Variants in IRF2BP1 observed in about 807,000 individuals in gnomAD.
IRF2BP1 encodes the protein interferon regulatory factor 2 binding protein 1, also known as interferon regulatory factor 2-binding protein 1.
In IRF2BP1, 9 loss-of-function variants were observed where a neutral mutation model predicts 38.6. That is an observed-to-expected ratio of 0.23 (90% CI 0.14 to 0.41). The LOEUF (loss-of-function observed/expected upper bound fraction) is 0.41, where lower values mean the gene tolerates loss of function less well. Ranked by LOEUF, IRF2BP1 falls within the 10% of genes least tolerant of loss-of-function variation. The pLI is 1.00. For missense variants in IRF2BP1, 631 were observed against 829.6 expected (o/e 0.76, Z 2.94); for synonymous variants, 416 against 383.4 (o/e 1.08, Z -0.99).
In IRF2BP1 at chr19:45,883,653, G is replaced by GC. The variant is rs1240342088; in HGVS notation, c.*366dup. The GC allele has an allele frequency of 2.4e-5, 5 of 207,764 alleles. No individual in the cohort carries two copies. Among genetic ancestry groups the GC allele is most frequent in the Non-Finnish European group, 4.7e-5 (5 of 106,366 alleles). The allele number at this position is 207,764 out of a possible 1,614,324, so 12.9% of individuals were successfully genotyped here. On this transcript the variant is annotated 3_prime_UTR_variant, in exon 1 of 1. Coordinates refer to ENST00000302165, the MANE Select transcript of IRF2BP1 (RefSeq NM_015649.3). ...CGGTTTATTGAAGGAGCAGAAGGGA[G>GC]CGGGGGGTGGGGGGGTGGGAATTAA...
chr19:45,884,697 C>G lies in IRF2BP1; in HGVS notation c.1078G>C (p.Ala360Pro), dbSNP rs569672329. The change falls in exon 1 of 1, where the codon GCG becomes CCG. Residue 360 changes from alanine (A) to proline (P), a missense_variant. Physicochemically the swap from Ala to Pro is conservative, Grantham distance 27. This residue lies in a region of IRF2BP1 where 201 missense variants were observed against 215.3 expected (regional missense o/e 0.93). Coordinates refer to ENST00000302165, the MANE Select transcript of IRF2BP1 (RefSeq NM_015649.3). ...CGCGGGGGTGGGCCACAGAGAGCCG[C>G]AGGGGCCGGCTCTGGGTACTGCTGG... ...LPQQYPEPAP[A>P]ALCGPPPRAP... The G allele has an allele frequency of 5.7e-5, 91 of 1,607,202 alleles. No homozygotes were observed. The highest frequency in any genetic ancestry group is 3.2e-4 in the Admixed American group (19 of 59,750).
rs548946199 is a variant in IRF2BP1 at position 45,883,619 on chromosome 19, C to A, written c.*401G>T. ...AAGGGACCAAGAAGGAAAAAAAAAA[C>A]CCATCTTTCGGTTTATTGAAGGAGC... On this transcript the variant is annotated 3_prime_UTR_variant, in exon 1 of 1. Coordinates refer to ENST00000302165, the MANE Select transcript of IRF2BP1 (RefSeq NM_015649.3). 43 of 146,170 alleles carry A rather than the reference C, an allele frequency of 2.9e-4. No homozygotes were observed. Among genetic ancestry groups the A allele is most frequent in the African/African-American group, 1.2e-3 (39 of 33,096 alleles). The allele number at this position is 146,170 out of a possible 1,614,324, so 9.1% of individuals were successfully genotyped here. A position where few individuals can be genotyped will look rare whatever the true frequency, so the allele number is the denominator to read the frequency against.
chr19:45,885,177 T>G lies in IRF2BP1; in HGVS notation c.598A>C (p.Lys200Gln), dbSNP rs752680303. 1.2e-6 allele frequency: 2 copies of G among 1,609,824 alleles called. No homozygotes were observed. The highest frequency in any genetic ancestry group is 1.7e-6 in the Non-Finnish European group (2 of 1,180,022). The change falls in exon 1 of 1, where the codon AAG (lysine) becomes CAG (glutamine). Residue 200 changes from lysine (K) to glutamine (Q), a missense_variant. Physicochemically the swap from Lys to Gln is moderately conservative, Grantham distance 53. Around this residue, in one of 5 missense-constraint regions of IRF2BP1, gnomAD observed 133 missense variants for 232.2 expected, o/e 0.57. Coordinates refer to ENST00000302165, the MANE Select transcript of IRF2BP1 (RefSeq NM_015649.3). Reference sequence around the variant, plus strand: ...AGACAGTCCGCATTCCTCTGCTGCTTCTCTTTCTCGAAATCGGAGCCGAAG... The same window carrying G: ...AGACAGTCCGCATTCCTCTGCTGCTGCTCTTTCTCGAAATCGGAGCCGAAG... ...PLFGSDFEKE[K>Q]QQRNADCLAE...
rs781314805 is a variant in IRF2BP1 at position 45,884,642 on chromosome 19, G to A, written c.1133C>T (p.Pro378Leu). The A allele has an allele frequency of 6.2e-7, 1 of 1,600,282 alleles. No homozygotes were observed. Among genetic ancestry groups the A allele is most frequent in the Non-Finnish European group, 8.5e-7 (1 of 1,178,198 alleles). ...CTCGGGGGATGCCTTGCGACGGCGC[G>A]GCGTGGGCGCCAGGTTCCGGGATGG... Reference protein sequence around the residue: ...RAPSRNLAPTPRRRKASPEPE... With the variant: ...RAPSRNLAPTLRRRKASPEPE... Residue 378 changes from proline (P) to leucine (L), a missense_variant, in exon 1 of 1, where the codon CCG (proline) becomes CTG (leucine). Coordinates refer to ENST00000302165, the MANE Select transcript of IRF2BP1 (RefSeq NM_015649.3).
Position 45,885,956 on chromosome 19 carries a change from T to A in IRF2BP1, c.-182A>T. ...CCGCCCCCTGGGCCCTAAGCCTTTC[T>A]GCTCACTCCCGCCTCCCTCGCGAAG... On this transcript the variant is annotated 5_prime_UTR_variant, in exon 1 of 1. Coordinates refer to ENST00000302165, the MANE Select transcript of IRF2BP1 (RefSeq NM_015649.3). 1.5e-6 allele frequency: 1 copy of A among 656,464 alleles called. No homozygotes were observed. The highest frequency in any genetic ancestry group is 2.8e-5 in the South Asian group (1 of 35,874). 40.7% of individuals were successfully genotyped at this position (656,464 alleles called of 1,614,324 possible).
chr19:45,886,081 TCCCGCCGCTCTC>T lies in IRF2BP1; in HGVS notation c.-319_-308del, dbSNP rs1024006000. Reference sequence around the variant, plus strand: ...GGCCGCGAGCGCCGCCGCCTCGGGCTCCCGCCGCTCTCGCCGCCGCCGCTGCAACGGCCGCCG... The same window carrying T: ...GGCCGCGAGCGCCGCCGCCTCGGGCTGCCGCCGCCGCTGCAACGGCCGCCG... On this transcript the variant is annotated 5_prime_UTR_variant, in exon 1 of 1. Coordinates refer to ENST00000302165, the MANE Select transcript of IRF2BP1 (RefSeq NM_015649.3). 1.3e-5 allele frequency: 3 copies of T among 235,092 alleles called. No homozygotes were observed. The highest frequency in any genetic ancestry group is 2.5e-5 in the Non-Finnish European group (3 of 122,032). 14.6% of individuals were successfully genotyped at this position (235,092 alleles called of 1,614,324 possible).
Position 45,885,556 on chromosome 19 carries a change from C to T in IRF2BP1, c.219G>A (p.Lys73=). 1.4e-6 allele frequency: 2 copies of T among 1,456,654 alleles called. No individual in the cohort carries two copies. The highest frequency in any genetic ancestry group is 1.8e-6 in the Non-Finnish European group (2 of 1,109,614). 90.2% of individuals were successfully genotyped at this position (1,456,654 alleles called of 1,614,324 possible). The change falls in exon 1 of 1, where the codon AAG becomes AAA. Residue 73 remains lysine, a synonymous_variant. Transcript: ENST00000302165. ...CCGCCAGGTCCTTGGTGGCCGGGTG[C>T]TTAAGGGCCGGGGGCCCGGGCGAGC... The part of the protein sequence containing the change: ...EGRSPGPPAL[K]HPATKDLAAA...
At position 45,884,200 on chromosome 19, in the gene IRF2BP1, C is replaced by T. The variant is rs917754756; in HGVS notation, c.1575G>A (p.Lys525=). 1.9e-6 allele frequency: 3 copies of T among 1,612,412 alleles called. No homozygotes were observed. Among genetic ancestry groups the T allele is most frequent in the Non-Finnish European group, 1.7e-6 (2 of 1,179,692 alleles). The change falls in exon 1 of 1, where the codon AAG becomes AAA. Residue 525 remains lysine, a synonymous_variant. Coordinates refer to ENST00000302165, the MANE Select transcript of IRF2BP1 (RefSeq NM_015649.3). ...FVQCPSVPGH[K]FCFPCSREFI... ...ACTCCCGGGAGCAGGGAAAGCAGAACTTGTGTCCGGGCACCGAGGGGCACT... is the reference window on the plus strand; with the variant it reads ...ACTCCCGGGAGCAGGGAAAGCAGAATTTGTGTCCGGGCACCGAGGGGCACT...
Position 45,884,332 on chromosome 19 carries a change from C to G in IRF2BP1, c.1443G>C (p.Ala481=). The change falls in exon 1 of 1, where the codon GCG becomes GCC. Residue 481 remains alanine, a synonymous_variant. Coordinates refer to ENST00000302165, the MANE Select transcript of IRF2BP1 (RefSeq NM_015649.3). ...CACCCCCGCTGACAGCTTCGGCCCC[C>G]GCTGTGGGACTGACTTCTGCTTCGC... ...RNGEAEVSPT[A]GAEAVSGGGS... The G allele has an allele frequency of 6.2e-7, 1 of 1,609,784 alleles. No individual in the cohort carries two copies. Among genetic ancestry groups the G allele is most frequent in the Non-Finnish European group, 8.5e-7 (1 of 1,179,166 alleles).
chr19:45,884,567 C>T lies in IRF2BP1; in HGVS notation c.1208G>A (p.Arg403Gln). 2.5e-6 allele frequency: 4 copies of T among 1,599,612 alleles called. No homozygotes were observed. Among genetic ancestry groups the T allele is most frequent in the South Asian group, 1.1e-5 (1 of 91,068 alleles). Reference protein sequence around the residue: ...GKMTTEEQQQRHWVAPGGPYS... With the variant: ...GKMTTEEQQQQHWVAPGGPYS... ...CGGGCCGCCGGGTGCCACCCAGTGC[C>T]GTTGCTGCTGCTCCTCGGTGGTCAT... The change falls in exon 1 of 1, where the codon CGG (arginine) becomes CAG (glutamine). Residue 403 changes from arginine (R) to glutamine (Q), a missense_variant. Coordinates refer to ENST00000302165, the MANE Select transcript of IRF2BP1 (RefSeq NM_015649.3).
In IRF2BP1 at chr19:45,885,500, G is replaced by A. The variant is rs1030823193; in HGVS notation, c.275C>T (p.Pro92Leu). Reference sequence around the variant, plus strand: ...TGACGGCTGGGGCTGGGCCTGCGGGGGCGGCAGCTGGGGCCCCTGTGCGGC... The same window carrying A: ...TGACGGCTGGGGCTGGGCCTGCGGGAGCGGCAGCTGGGGCCCCTGTGCGGC... Reference protein sequence around the residue: ...AAAAQGPQLPPPQAQPQPSGT... With the variant: ...AAAAQGPQLPLPQAQPQPSGT... Residue 92 changes from proline to leucine, a missense_variant, in exon 1 of 1, where the codon CCC becomes CTC. By Grantham distance (98) the Pro-to-Leu change is moderately conservative. This residue lies in a region of IRF2BP1 where 206 missense variants were observed against 207.0 expected (regional missense o/e 1.00). Transcript: ENST00000302165. 41 of 1,437,458 alleles carry A rather than the reference G, an allele frequency of 2.9e-5. No homozygotes were observed. The highest frequency in any genetic ancestry group is 2.5e-4 in the Middle Eastern group (1 of 3,978). 89.0% of individuals were successfully genotyped at this position (1,437,458 alleles called of 1,614,324 possible). A position where few individuals can be genotyped will look rare whatever the true frequency, so the allele number is the denominator to read the frequency against.
rs1242741726 is a variant in IRF2BP1 at position 45,885,608 on chromosome 19, T to C, written c.167A>G (p.Lys56Arg). 1 of 1,538,570 alleles carries C rather than the reference T, an allele frequency of 6.5e-7. No individual in the cohort carries two copies. The change falls in exon 1 of 1, where the codon AAG (lysine) becomes AGG (arginine). Residue 56 changes from lysine to arginine, a missense_variant. Physicochemically the swap from Lys to Arg is conservative, Grantham distance 26. Coordinates refer to ENST00000302165, the MANE Select transcript of IRF2BP1 (RefSeq NM_015649.3). ...ELLIDAARQL[K>R]RSHVLPEGRS... ...GCCCTCGGGGAGCACGTGGCTGCGC[T>C]TGAGCTGGCGGGCGGCATCGATGAG...
Position 45,885,350 on chromosome 19 carries a change from C to A in IRF2BP1, c.425G>T (p.Arg142Leu). 2 of 1,608,288 alleles carry A rather than the reference C, an allele frequency of 1.2e-6. No individual in the cohort carries two copies. The highest frequency in any genetic ancestry group is 2.2e-5 in the South Asian group (2 of 90,998). The change falls in exon 1 of 1, where the codon CGT becomes CTT. Residue 142 changes from arginine to leucine, a missense_variant. This residue lies in a region of IRF2BP1 where 206 missense variants were observed against 207.0 expected (regional missense o/e 1.00). Transcript: ENST00000302165. ...LGSRLANGLG[R>L]EEAVAEGARR... Reference sequence around the variant, plus strand: ...CGCCCCCTCAGCCACGGCCTCCTCACGGCCCAGCCCATTGGCCAGGCGGGA... The same window carrying A: ...CGCCCCCTCAGCCACGGCCTCCTCAAGGCCCAGCCCATTGGCCAGGCGGGA...
In IRF2BP1 at chr19:45,885,326, G is replaced by T; in HGVS notation, c.449C>A (p.Ala150Glu). Residue 150 changes from alanine (A) to glutamate (E), a missense_variant, in exon 1 of 1, where the codon GCG becomes GAG. This residue lies in a region of IRF2BP1 where 206 missense variants were observed against 207.0 expected (regional missense o/e 1.00). Transcript: ENST00000302165. The stretch of plus-strand genomic sequence containing the variant: ...CATGGAGCCAAGCAAGGCCCTTCGC[G>T]CCCCCTCAGCCACGGCCTCCTCACG... Reference protein sequence around the residue: ...LGREEAVAEGARRALLGSMPG... With the variant: ...LGREEAVAEGERRALLGSMPG... 1 of 1,606,256 alleles carries T rather than the reference G, an allele frequency of 6.2e-7. No individual in the cohort carries two copies. The highest frequency in any genetic ancestry group is 1.7e-4 in the Middle Eastern group (1 of 6,056).
At position 45,885,643 on chromosome 19, in the gene IRF2BP1, G is replaced by GCGGTC; in HGVS notation, c.127_131dup (p.Ile45ThrfsTer119). 1 of 1,571,318 alleles carries GCGGTC rather than the reference G, an allele frequency of 6.4e-7. No homozygotes were observed. The highest frequency in any genetic ancestry group is 8.6e-7 in the Non-Finnish European group (1 of 1,168,842). ...GGGCGGCATCGATGAGCAGTTCGAT[G>GCGGTC]CGGTCCGCGCCCTCGAAGTTCACGC... is the stretch of plus-strand genomic sequence containing the variant. On this transcript the variant is annotated frameshift_variant, in exon 1 of 1. Transcript: ENST00000302165. LOFTEE classifies it high-confidence loss of function.
chr19:45,886,001 C>T lies in IRF2BP1; in HGVS notation c.-227G>A. The T allele has an allele frequency of 2.1e-6, 1 of 468,922 alleles. No individual in the cohort carries two copies. 29.0% of individuals were successfully genotyped at this position (468,922 alleles called of 1,614,324 possible). On this transcript the variant is annotated 5_prime_UTR_variant, in exon 1 of 1. Coordinates refer to ENST00000302165, the MANE Select transcript of IRF2BP1 (RefSeq NM_015649.3). ...GCGAAGGCAGGCTGAGGCACGTCGGCGCCCCCGCCCGGTCCGGGCTCCGAG... is the reference window on the plus strand; with the variant it reads ...GCGAAGGCAGGCTGAGGCACGTCGGTGCCCCCGCCCGGTCCGGGCTCCGAG...
Position 45,885,754 on chromosome 19 carries a change from G to A in IRF2BP1, c.21C>T (p.Ser7=), listed in dbSNP as rs774087774. ...CGCACAGGTAGCACCACTGGCGGCG[G>A]GACGCCTGCACAGACGCCATGGCCC... The part of the protein sequence containing the change: MASVQA[S]RRQWCYLCDL... The change falls in exon 1 of 1, where the codon TCC becomes TCT. Residue 7 remains serine (S), a synonymous_variant. Coordinates refer to ENST00000302165, the MANE Select transcript of IRF2BP1 (RefSeq NM_015649.3). 4 of 1,579,068 alleles carry A rather than the reference G, an allele frequency of 2.5e-6. No individual in the cohort carries two copies. In the East Asian group the frequency reaches 9.5e-5, roughly 38 times the overall value.
At position 45,884,551 on chromosome 19, in the gene IRF2BP1, G is replaced by T. The variant is rs760342847; in HGVS notation, c.1224C>A (p.Pro408=). 26 of 1,599,602 alleles carry T rather than the reference G, an allele frequency of 1.6e-5. No individual in the cohort carries two copies. The Admixed American group carries it at 3.3e-4, about 21-fold the overall frequency. ...EEQQQRHWVA[P]GGPYSAETPG... ...GGGTCTCAGCGGAGTACGGGCCGCC[G>T]GGTGCCACCCAGTGCCGTTGCTGCT... The change falls in exon 1 of 1, where the codon CCC becomes CCA. Residue 408 remains proline, a synonymous_variant. Coordinates refer to ENST00000302165, the MANE Select transcript of IRF2BP1 (RefSeq NM_015649.3).
In IRF2BP1 at chr19:45,883,652, A is replaced by G. The variant is rs1431592699; in HGVS notation, c.*368T>C. 1.8e-5 allele frequency: 1 copy of G among 54,320 alleles called. No homozygotes were observed. The highest frequency in any genetic ancestry group is 3.9e-4 in the African/African-American group (1 of 2,578). The allele number at this position is 54,320 out of a possible 1,614,324, so 3.4% of individuals were successfully genotyped here. A position where few individuals can be genotyped will look rare whatever the true frequency, so the allele number is the denominator to read the frequency against. On this transcript the variant is annotated 3_prime_UTR_variant, in exon 1 of 1. Transcript: ENST00000302165. ...TCGGTTTATTGAAGGAGCAGAAGGGAGCGGGGGGTGGGGGGGTGGGAATTA... is the reference window on the plus strand; with the variant it reads ...TCGGTTTATTGAAGGAGCAGAAGGGGGCGGGGGGTGGGGGGGTGGGAATTA...
Sources: gnomAD v4.1 joint callset for allele counts on GRCh38, gnomAD v4.1.1 for gene constraint, gnomAD v4.1.1 regional missense constraint, MANE v1.5 for transcripts, NCBI Gene and HGNC (gene_info 2026-07-23, HGNC 2026-07-21) for gene names.